SYN3: variants seen among roughly 807,000 people sequenced by gnomAD.
SYN3 encodes synapsin-3.
A neutral mutation model predicts 65.8 loss-of-function variants in SYN3; 35 were observed. The ratio of observed to expected loss-of-function variants is 0.53; its 90% CI spans 0.41 to 0.70. SYN3 has a LOEUF of 0.70. Ranked by LOEUF, SYN3 falls within the 30% of genes least tolerant of loss-of-function variation. SYN3 has a pLI of 0.00. For missense variants in SYN3, 680 were observed against 749.0 expected (o/e 0.91, Z 1.08); for synonymous variants, 270 against 292.9 (o/e 0.92, Z 0.80).
Position 32,872,387 on chromosome 22 carries a change from G to C in SYN3, c.462-3262C>G, listed in dbSNP as rs186662188. Among the ~76,000 whole-genome samples, 317 of 152,306 alleles carry C rather than the reference G, an allele frequency of 2.1e-3. 1 individual carries two copies. The highest frequency in any genetic ancestry group is 6.8e-3 in the Middle Eastern group (2 of 294). ...CCTAGAGAAGAAAACTAGACTGATA[G>C]ACATAGTAGCCAGGAGACAGCAAGT... On this transcript the variant is annotated intron_variant, in intron 4 of 13. Transcript: ENST00000358763.
chr22:32,848,197 A>G (rs765971972), intron 6 of SYN3, among the ~76,000 whole-genome samples: 13 of 152,224 alleles, frequency 8.5e-5, no homozygotes, highest in African/African-American at 1.4e-4. Context: ...TTCCCAGTGC[A>G]TGTGGTAAAT....
intron 6 of SYN3, among the ~76,000 whole-genome samples, chr22:32,841,139 T>G (rs1307036190): frequency 1.3e-5 from 2 of 152,348 alleles, no homozygotes; most frequent in East Asian, 3.9e-4. Context: ...CTTCCCATAT[T>G]CAGCAAATAC....
chr22:32,944,866 C>G (rs2051055708), intron 3 of SYN3, among the ~76,000 whole-genome samples: 1 of 152,162 alleles, frequency 6.6e-6, no homozygotes, highest in African/African-American at 2.4e-5. Flanking sequence ...AATCAATATG[C>G]AAAAATCACA....
intron 7 of SYN3, among the ~76,000 whole-genome samples, chr22:32,559,832 CAAAAAA>C (rs35916830): frequency 1.0e-5 from 1 of 96,096 alleles, no homozygotes; most frequent in East Asian, 2.8e-4. Flanking sequence ...TCCGTCTCAA[CAAAAAA>C]AAAAAAAAAG....
At chr22:32,980,136 T>C (rs2055934781) in intron 3 of SYN3, among the ~76,000 whole-genome samples, 1 of 152,180 alleles carries the variant, frequency 6.6e-6, no homozygotes, top group Admixed American at 6.5e-5. Context: ...GTATTTGCAA[T>C]TCTGGTCCCT....
At chr22:32,813,065 T>A (rs1045731038) in intron 6 of SYN3, among the ~76,000 whole-genome samples, 2 of 152,204 alleles carry the variant, frequency 1.3e-5, no homozygotes, top group African/African-American at 4.8e-5. Context: ...TCCTCACTTG[T>A]CATCCATGCC....
At chr22:32,928,585 C>G (rs1010438997) in intron 4 of SYN3, among the ~76,000 whole-genome samples, 7 of 152,120 alleles carry the variant, frequency 4.6e-5, no homozygotes, top group African/African-American at 1.7e-4. Context: ...AATTGGGGAC[C>G]ATCTGTAATC....
At position 32,971,992 on chromosome 22, in the gene SYN3, A is replaced by T. The variant is rs12484147; in HGVS notation, c.369+8653T>A. ...GGTGATGGGGACAGGGATTTATTAT[A>T]GCCTCTGACGGCCAGTCATTGGATG... On this transcript the variant is annotated intron_variant, in intron 3 of 13. Coordinates refer to ENST00000358763, the MANE Select transcript of SYN3 (RefSeq NM_003490.4). Among the ~76,000 whole-genome samples the T allele has an allele frequency of 8.5e-3, 1,296 of 152,274 alleles. 58 individuals carry two copies. Among genetic ancestry groups the T allele is most frequent in the Admixed American group, 0.074 (1,128 of 15,290 alleles).
chr22:32,679,839 C>CTTTTTTTTTGTTTTTTTTT, intron 6 of SYN3, among the ~76,000 whole-genome samples: 1 of 39,150 alleles, frequency 2.6e-5, no homozygotes, highest in Non-Finnish European at 4.6e-5. Flanking sequence ...TGTTTTTTGG[C>CTTTTTTTTTGTTTTTTTTT]TTTTTTTTTT....
chr22:32,957,364 G>C lies in SYN3; in HGVS notation c.369+23281C>G, dbSNP rs1331961812. Among the ~76,000 whole-genome samples the C allele has an allele frequency of 2.0e-5, 3 of 152,300 alleles. No individual in the cohort carries two copies. In the East Asian group the frequency reaches 5.8e-4, roughly 29 times the overall value. On this transcript the variant is annotated intron_variant, in intron 3 of 13. Coordinates refer to ENST00000358763, the MANE Select transcript of SYN3 (RefSeq NM_003490.4). Reference sequence around the variant, plus strand: ...GGGAATGAGAGGCCTGGCCGGACTTGTGCTTCCACAAGAAAATGAACATCG... The same window carrying C: ...GGGAATGAGAGGCCTGGCCGGACTTCTGCTTCCACAAGAAAATGAACATCG...
At chr22:32,996,958 C>T (rs138353333) in intron 2 of SYN3, among the ~76,000 whole-genome samples, 1 of 152,334 alleles carries the variant, frequency 6.6e-6, no homozygotes, top group East Asian at 1.9e-4. Flanking sequence ...CGTTGCCTCA[C>T]ACTGCTCTCA....
chr22:32,948,099 T>C (rs2051167569), intron 3 of SYN3, among the ~76,000 whole-genome samples: 1 of 152,190 alleles, frequency 6.6e-6, no homozygotes, highest in Non-Finnish European at 1.5e-5. Context: ...CTTTTCACTT[T>C]TCAAATTTTT....
At chr22:32,724,794 G>C (rs1258985317) in intron 6 of SYN3, among the ~76,000 whole-genome samples, 1 of 152,114 alleles carries the variant, frequency 6.6e-6, no homozygotes, top group Non-Finnish European at 1.5e-5. Context: ...CCTGGCCCCA[G>C]GGAGGAGAGG....
At chr22:32,833,799 G>A in intron 6 of SYN3, 1 of 499,926 alleles carries the variant, frequency 2.0e-6, no homozygotes, top group South Asian at 1.4e-5. Context: ...ACTTTATAGG[G>A]CCCTAGTGAG....
In SYN3 at chr22:32,744,189, C is replaced by T. The variant is rs146771561; in HGVS notation, c.711+120726G>A. On this transcript the variant is annotated intron_variant, in intron 6 of 13. Coordinates refer to ENST00000358763, the MANE Select transcript of SYN3 (RefSeq NM_003490.4). The stretch of plus-strand genomic sequence containing the variant: ...GATAGAGAACAAACAACTCTATGAA[C>T]GTGTTTACCAGAAGTTTAAGCAAAT... Among the ~76,000 whole-genome samples, 342 of 152,202 alleles carry T rather than the reference C, an allele frequency of 2.2e-3. 1 individual carries two copies. Among genetic ancestry groups the T allele is most frequent in the African/African-American group, 7.5e-3 (312 of 41,522 alleles).
intron 6 of SYN3, among the ~76,000 whole-genome samples, chr22:32,740,661 A>C (rs771760593): frequency 3.9e-5 from 6 of 152,204 alleles, no homozygotes; most frequent in Non-Finnish European, 8.8e-5. Flanking sequence ...CAATGAGGAA[A>C]GACTGAAAGT....
At chr22:32,848,219 A>G (rs1256425851) in intron 6 of SYN3, among the ~76,000 whole-genome samples, 12 of 152,252 alleles carry the variant, frequency 7.9e-5, no homozygotes, top group Non-Finnish European at 1.6e-4. Flanking sequence ...CCTCTCTTTC[A>G]GCCCTCAACC....
At chr22:32,767,061 C>T (rs144419383) in intron 6 of SYN3, among the ~76,000 whole-genome samples, 6 of 152,246 alleles carry the variant, frequency 3.9e-5, no homozygotes, top group South Asian at 2.1e-4. Context: ...CTGTGCCTTC[C>T]GGGATAGAAT....
At chr22:32,873,688 T>C (rs2048912385) in intron 4 of SYN3, among the ~76,000 whole-genome samples, 1 of 152,170 alleles carries the variant, frequency 6.6e-6, no homozygotes, top group African/African-American at 2.4e-5. Flanking sequence ...ATCTGAGCTC[T>C]GAAAGACAGG....
Sources: gnomAD v4.1 joint callset for allele counts (sites outside exome capture counted in the v4.1 genomes callset) on GRCh38, gnomAD v4.1.1 for gene constraint, MANE v1.5 for transcripts, NCBI Gene and HGNC (gene_info 2026-07-23, HGNC 2026-07-21) for gene names.